Variants in GAD2 observed in about 807,000 individuals in gnomAD.
The protein encoded by GAD2 is glutamate decarboxylase 2.
A neutral mutation model predicts 80.1 loss-of-function variants in GAD2; 22 were observed. The ratio of observed to expected loss-of-function variants is 0.27; its 90% CI spans 0.20 to 0.39. The LOEUF (loss-of-function observed/expected upper bound fraction) is 0.39, where lower values mean the gene tolerates loss of function less well. Ranked by LOEUF, GAD2 falls within the 10% of genes least tolerant of loss-of-function variation. GAD2 has a pLI of 1.00. For missense variants in GAD2, 624 were observed against 738.4 expected (o/e 0.85, Z 1.80); for synonymous variants, 274 against 256.9 (o/e 1.07, Z -0.64).
rs191737894 is a variant in GAD2 at position 26,257,115 on chromosome 10, T to G, written c.920+11115T>G. The stretch of plus-strand genomic sequence containing the variant: ...ATGCTCGGCTGGGTGCGGTGGCTCA[T>G]GTCTGTAATGCAGCAGTTTAGGAGG... On this transcript the variant is annotated intron_variant, in intron 8 of 15. Coordinates refer to ENST00000376261, the MANE Select transcript of GAD2 (RefSeq NM_001134366.2). Among the ~76,000 whole-genome samples the G allele has an allele frequency of 2.0e-5, 3 of 152,296 alleles. No homozygotes were observed. In the East Asian group the frequency reaches 5.8e-4, roughly 29 times the overall value.
chr10:26,280,830 G>A (rs896405481), intron 11 of GAD2, among the ~76,000 whole-genome samples, 179 bp from the exon 12 acceptor site: 5 of 151,712 alleles, frequency 3.3e-5, no homozygotes, highest in Admixed American at 1.3e-4. Context: ...CTATATACGT[G>A]TAATAAATCT....
intron 7 of GAD2, among the ~76,000 whole-genome samples, chr10:26,231,897 G>T (rs926891235): frequency 5.3e-5 from 8 of 151,920 alleles, no homozygotes; most frequent in African/African-American, 1.9e-4. Flanking sequence ...TCCACCTGTG[G>T]CTCTCCTGCC....
In GAD2 at chr10:26,300,865, C is replaced by A. The variant is rs755045977; in HGVS notation, c.1662C>A (p.Val554=). 1 of 1,613,866 alleles carries A rather than the reference C, an allele frequency of 6.2e-7. No homozygotes were observed. The highest frequency in any genetic ancestry group is 8.5e-7 in the Non-Finnish European group (1 of 1,179,816). Residue 554 remains valine, a synonymous_variant, in exon 16 of 16, where the codon GTC becomes GTA. Coordinates refer to ENST00000376261, the MANE Select transcript of GAD2 (RefSeq NM_001134366.2). ...GCTACCAACCCTTGGGAGACAAGGT[C>A]AATTTCTTCCGCATGGTCATCTCAA... ...MVSYQPLGDK[V]NFFRMVISNP... is the part of the protein sequence containing the mutation.
intron 8 of GAD2, among the ~76,000 whole-genome samples, chr10:26,250,216 A>G (rs879599714): frequency 6.6e-6 from 1 of 152,062 alleles, no homozygotes; most frequent in Non-Finnish European, 1.5e-5. Flanking sequence ...GAGTCTCACT[A>G]TGTTGACCAA....
chr10:26,241,486 C>T (rs1333931904), intron 7 of GAD2, among the ~76,000 whole-genome samples: 3 of 152,044 alleles, frequency 2.0e-5, no homozygotes, highest in Non-Finnish European at 2.9e-5. Context: ...TGATCCCAGG[C>T]TTGGCACAGC....
rs541058278 is a variant in GAD2 at position 26,287,369 on chromosome 10, CAG to C, written c.1386+882_1386+883del. The stretch of plus-strand genomic sequence containing the variant: ...CGATTAAAGGTGTCAACCTTAATAA[CAG>C]AGAGAGTCTCTCTAAGAGAAAAGAT... On this transcript the variant is annotated intron_variant, in intron 13 of 15. Transcript: ENST00000376261. Among the ~76,000 whole-genome samples the C allele has an allele frequency of 1.5e-3, 228 of 152,236 alleles. 1 individual carries two copies. Among genetic ancestry groups the C allele is most frequent in the African/African-American group, 5.4e-3 (224 of 41,556 alleles).
rs1323974492 is a variant in GAD2, at chr10:26,276,430, G to T, written c.1157+2730G>T. On this transcript the variant is annotated intron_variant, in intron 11 of 15. Transcript: ENST00000376261. ...GGAGTCTCACTCTGTCACCCAGGCT[G>T]GAGTGTGGCAGCGCAATCTTGCCTC... Among the ~76,000 whole-genome samples the T allele has an allele frequency of 2.0e-5, 3 of 147,126 alleles. No homozygotes were observed. The East Asian group carries it at 6.0e-4, about 29-fold the overall frequency.
chr10:26,297,482 A>C (rs977779636), intron 15 of GAD2, among the ~76,000 whole-genome samples: 1 of 152,222 alleles, frequency 6.6e-6, no homozygotes, highest in African/African-American at 2.4e-5. Flanking sequence ...ACAAGAGAGA[A>C]GACAATACCC....
intron 8 of GAD2, among the ~76,000 whole-genome samples, chr10:26,260,726 A>T (rs1844999585): frequency 6.6e-6 from 1 of 152,078 alleles, no homozygotes; most frequent in African/African-American, 2.4e-5. Flanking sequence ...TTCAGAAAAG[A>T]CTCAGCCAGT....
At chr10:26,232,468 A>ATTTTTTTTTTTT (rs1564658024) in intron 7 of GAD2, among the ~76,000 whole-genome samples, 1 of 131,690 alleles carries the variant, frequency 7.6e-6, no homozygotes. Flanking sequence ...AACTCAGTCT[A>ATTTTTTTTTTTT]CTTTTTTTTT....
intron 8 of GAD2, among the ~76,000 whole-genome samples, chr10:26,257,303 G>T (rs574847266): frequency 6.6e-6 from 1 of 152,222 alleles, no homozygotes; most frequent in East Asian, 1.9e-4. Context: ...CTTGAACCCG[G>T]GAGGCAGAGG....
chr10:26,272,182 T>C (rs147446013), intron 10 of GAD2, among the ~76,000 whole-genome samples: 1 of 152,304 alleles, frequency 6.6e-6, no homozygotes, highest in African/African-American at 2.4e-5. Context: ...TGATTCACAG[T>C]GTGAGTCGTT....
intron 11 of GAD2, among the ~76,000 whole-genome samples, chr10:26,277,282 G>C (rs1022365723): frequency 6.6e-6 from 1 of 152,232 alleles, no homozygotes; most frequent in Non-Finnish European, 1.5e-5. Context: ...GCTGTGGCCA[G>C]GTCATGGGTG....
At chr10:26,282,230 A>C (rs988015675) in intron 12 of GAD2, among the ~76,000 whole-genome samples, 1 of 152,212 alleles carries the variant, frequency 6.6e-6, no homozygotes, top group African/African-American at 2.4e-5. Flanking sequence ...GGCATGAGCT[A>C]CCATGCCCAG....
chr10:26,229,900 T>G, intron 7 of GAD2, 123 bp downstream of exon 7: 2 of 689,058 alleles, frequency 2.9e-6, no homozygotes, highest in Non-Finnish European at 5.0e-6. Context: ...TGGGAGGGAA[T>G]GGGGGAGAAA....
At chr10:26,247,202 C>G (rs539771659) in intron 8 of GAD2, among the ~76,000 whole-genome samples, 2 of 152,268 alleles carry the variant, frequency 1.3e-5, no homozygotes, top group East Asian at 3.9e-4. Flanking sequence ...CATGCCTCCC[C>G]TTTTTAGACC....
At chr10:26,275,858 C>A (rs1845194744) in intron 11 of GAD2, among the ~76,000 whole-genome samples, 1 of 152,196 alleles carries the variant, frequency 6.6e-6, no homozygotes, top group Non-Finnish European at 1.5e-5. Context: ...GAATGCCATT[C>A]TCATACAAAA....
Position 26,281,516 on chromosome 10 carries a change from A to T in GAD2, c.1236+429A>T, listed in dbSNP as rs542615557. Among the ~76,000 whole-genome samples the T allele has an allele frequency of 3.9e-5, 6 of 152,220 alleles. No homozygotes were observed. In the East Asian group the frequency reaches 7.7e-4, roughly 20 times the overall value. On this transcript the variant is annotated intron_variant, in intron 12 of 15. Transcript: ENST00000376261. ...TAGGATCCAGATACATAACATGTAT[A>T]TGTATGTGTGCATGTTCTGATTACA...
In GAD2 at chr10:26,229,742, G is replaced by A. The variant is rs52834041; in HGVS notation, c.805G>A (p.Ala269Thr). The change falls in exon 7 of 16, where the codon GCT becomes ACT. Residue 269 changes from alanine to threonine, a missense_variant. Transcript: ENST00000376261. The part of the protein sequence containing the change: ...FPEVKEKGMA[A>T]LPRLIAFTSE... ...AGAAGTCAAGGAGAAAGGAATGGCT[G>A]CTCTTCCCAGGCTCATTGCCTTCAC... 4.9e-3 allele frequency: 7,851 copies of A among 1,613,924 alleles called. 30 individuals are homozygous for A. Among genetic ancestry groups the A allele is most frequent in the Non-Finnish European group, 6.2e-3 (7,286 of 1,179,788 alleles).
Sources: allele counts gnomAD v4.1 joint callset (sites outside exome capture counted in the v4.1 genomes callset), GRCh38; gene constraint gnomAD v4.1.1; transcripts MANE v1.5; gene names NCBI Gene and HGNC (gene_info 2026-07-23, HGNC 2026-07-21).